Variants in CLVS1 observed in about 807,000 individuals in gnomAD.
CLVS1 encodes clavesin 1.
A neutral mutation model predicts 33.1 loss-of-function variants in CLVS1; 10 were observed. The ratio of observed to expected loss-of-function variants is 0.30; its 90% CI spans 0.19 to 0.51. The LOEUF (loss-of-function observed/expected upper bound fraction) is 0.51. CLVS1 is among the 20% of genes least tolerant of loss of function. The pLI is 0.97. For synonymous variants in CLVS1, 163 were observed against 166.1 expected (o/e 0.98, Z 0.14); for missense variants, 343 against 433.4 (o/e 0.79, Z 1.85).
At chr8:61,414,469 T>C (rs921161878) in intron 3 of CLVS1, among the ~76,000 whole-genome samples, 2 of 151,938 alleles carry the variant, frequency 1.3e-5, no homozygotes, top group Non-Finnish European at 2.9e-5. Flanking sequence ...GATTTTTTAA[T>C]GGCACAAAGT....
chr8:61,247,509 G>C (rs898635650), intron 2 of CLVS1, among the ~76,000 whole-genome samples: 1 of 152,120 alleles, frequency 6.6e-6, no homozygotes, highest in Non-Finnish European at 1.5e-5. Context: ...GTGTGAGATG[G>C]TATTTCACTG....
At chr8:61,185,037 A>T (rs76104456) in intron 2 of CLVS1, among the ~76,000 whole-genome samples, 5,188 of 152,266 alleles carry the variant, frequency 0.034, 98 homozygotes, top group Middle Eastern at 0.041. Flanking sequence ...TTTTCTAGAC[A>T]CATATTTTCC....
chr8:61,434,211 T>C (rs1352120325), intron 3 of CLVS1, among the ~76,000 whole-genome samples: 1 of 152,204 alleles, frequency 6.6e-6, no homozygotes, highest in Non-Finnish European at 1.5e-5. Flanking sequence ...CAACATTTCT[T>C]GGGAAGTGCA....
exon 2 of CLVS1, chr8:61,131,834 C>T (rs1469990343): frequency 6.6e-6 from 1 of 152,002 alleles, no homozygotes; most frequent in African/African-American, 2.4e-5. Context: ...TCATCGTGGA[C>T]CGGACTTTTT....
chr8:61,162,873 C>T (rs185961509), intron 2 of CLVS1, among the ~76,000 whole-genome samples: 72 of 152,258 alleles, frequency 4.7e-4, no homozygotes, highest in Middle Eastern at 3.4e-3. Context: ...CTCTGCTTGC[C>T]TGCCAGCTGG....
chr8:61,484,070 C>A (rs1169643533), intron 5 of CLVS1, among the ~76,000 whole-genome samples: 4 of 152,074 alleles, frequency 2.6e-5, no homozygotes, highest in Admixed American at 6.6e-5. Context: ...CCTATTCAAC[C>A]TACTGTTGGA....
intron 5 of CLVS1, among the ~76,000 whole-genome samples, chr8:61,475,579 C>A (rs977571414): frequency 6.6e-6 from 1 of 152,166 alleles, no homozygotes; most frequent in African/African-American, 2.4e-5. Flanking sequence ...TGTTTTTTGG[C>A]TGCATAAATG....
At chr8:61,498,193 G>C (rs1804335570) in intron 5 of CLVS1, among the ~76,000 whole-genome samples, 1 of 152,118 alleles carries the variant, frequency 6.6e-6, no homozygotes, top group Non-Finnish European at 1.5e-5. Flanking sequence ...CCTTAAAAGG[G>C]TCAAACTGAT....
chr8:61,081,395 A>G (rs1805017430), intron 1 of CLVS1, among the ~76,000 whole-genome samples: 1 of 152,162 alleles, frequency 6.6e-6, no homozygotes, highest in African/African-American at 2.4e-5. Flanking sequence ...AGCTTCCCCC[A>G]AGCACATACC....
intron 2 of CLVS1, among the ~76,000 whole-genome samples, chr8:61,325,984 T>G (rs1811369588): frequency 1.3e-5 from 2 of 152,144 alleles, no homozygotes; most frequent in East Asian, 3.9e-4. Context: ...ATGCTCTACA[T>G]TATCTCAGAA....
At chr8:61,455,686 G>A (rs1817124007) in intron 4 of CLVS1, among the ~76,000 whole-genome samples, 1 of 152,152 alleles carries the variant, frequency 6.6e-6, no homozygotes, top group Non-Finnish European at 1.5e-5. Context: ...TACCTCCTGG[G>A]TCAGGAACAC....
At chr8:61,314,254 G>A (rs528750795) in intron 2 of CLVS1, among the ~76,000 whole-genome samples, 26 of 152,046 alleles carry the variant, frequency 1.7e-4, no homozygotes, top group African/African-American at 2.4e-4. Context: ...GAGTTAGTCC[G>A]TCCTATAATT....
chr8:61,132,374 G>A (rs368725663), intron 2 of CLVS1, among the ~76,000 whole-genome samples: 1 of 152,194 alleles, frequency 6.6e-6, no homozygotes. Flanking sequence ...GGCGGGAAAG[G>A]CTTTTCCAGA....
the CLVS1 span, among the ~76,000 whole-genome samples, chr8:60,984,056 C>T: frequency 1.3e-5 from 2 of 152,178 alleles, no homozygotes; most frequent in African/African-American, 4.8e-5. Context: ...TAGCCTGTAC[C>T]CTGACCCTGC....
chr8:61,030,694 T>C, the CLVS1 span, among the ~76,000 whole-genome samples: 1 of 152,252 alleles, frequency 6.6e-6, no homozygotes, highest in Admixed American at 6.5e-5. Context: ...CAGTATTTAT[T>C]GAGCCCATAT....
chr8:61,403,610 G>C (rs1212063997), intron 3 of CLVS1, among the ~76,000 whole-genome samples: 1 of 152,126 alleles, frequency 6.6e-6, no homozygotes, highest in African/African-American at 2.4e-5. Context: ...AATGAGAGGA[G>C]CTGAAGATGC....
the CLVS1 span, among the ~76,000 whole-genome samples, chr8:60,984,845 G>A: frequency 6.6e-6 from 1 of 152,142 alleles, no homozygotes; most frequent in African/African-American, 2.4e-5. Flanking sequence ...CTAGGTCACA[G>A]CTAGGAAGTG....
intron 2 of CLVS1, among the ~76,000 whole-genome samples, chr8:61,368,707 T>C (rs1813312075): frequency 6.6e-6 from 1 of 152,238 alleles, no homozygotes. Context: ...ATAATGTAGC[T>C]GGCTCCCTGT....
chr8:60,967,198 G>A, the CLVS1 span, among the ~76,000 whole-genome samples: 1 of 152,178 alleles, frequency 6.6e-6, no homozygotes, highest in South Asian at 2.1e-4. Context: ...AGGTCTGATG[G>A]AACATGCAAG....
Sources: allele counts gnomAD v4.1 joint callset (sites outside exome capture counted in the v4.1 genomes callset), GRCh38; gene constraint gnomAD v4.1.1; transcripts MANE v1.5; gene names NCBI Gene and HGNC (gene_info 2026-07-23, HGNC 2026-07-21).